The following CCAR1 variants were observed in gnomAD, a reference collection of about 807,000 sequenced individuals.
CCAR1 encodes cell division cycle and apoptosis regulator protein 1.
Under a neutral mutation model 163.8 loss-of-function variants are expected in CCAR1, and 78 were observed. The ratio of observed to expected loss-of-function variants is 0.48; its 90% CI spans 0.40 to 0.57. The LOEUF is 0.57. Ranked by LOEUF, CCAR1 falls within the 20% of genes least tolerant of loss-of-function variation. CCAR1 has a pLI of 0.00. For missense variants in CCAR1, 1,019 were observed against 1,365.2 expected (o/e 0.75, Z 4.00); for synonymous variants, 443 against 460.7 (o/e 0.96, Z 0.49).
chr10:68,755,661 G>A (rs1039956543), intron 13 of CCAR1, 125 bp downstream of exon 13: 25 of 678,324 alleles, frequency 3.7e-5, no homozygotes, highest in Non-Finnish European at 5.3e-5. Flanking sequence ...AATCTCAAAG[G>A]AAAATCCCCA....
intron 17 of CCAR1, 116 bp downstream of exon 17, chr10:68,766,195 GTTTTGTTTTGT>G (rs1047815462): frequency 1.5e-5 from 10 of 670,138 alleles, no homozygotes; most frequent in African/African-American, 3.8e-5. Flanking sequence ...GGTTTTTTTT[GTTTTGTTTTGT>G]TTTTGTTTTT....
chr10:68,727,183 T>G (rs955160338), intron 2 of CCAR1, among the ~76,000 whole-genome samples: 2 of 150,518 alleles, frequency 1.3e-5, no homozygotes, highest in South Asian at 2.1e-4. Flanking sequence ...TTCTTGTGCC[T>G]CAGCCTTTGG....
intron 2 of CCAR1, 42 bp downstream of exon 2, chr10:68,722,619 A>G: frequency 6.9e-7 from 1 of 1,454,722 alleles, no homozygotes; most frequent in Non-Finnish European, 9.6e-7. Context: ...TTTGTGGGGG[A>G]CTTGTTAAAA....
At chr10:68,791,047 A>G (rs2056847088) in intron 24 of CCAR1, among the ~76,000 whole-genome samples, 160 bp from the exon 25 acceptor site, 1 of 152,080 alleles carries the variant, frequency 6.6e-6, no homozygotes, top group Non-Finnish European at 1.5e-5. Flanking sequence ...AATTGAGGTA[A>G]ATGCTTCGTC....
At chr10:68,747,329 A>C in intron 7 of CCAR1, 45 bp from the exon 8 acceptor site, 1 of 1,596,140 alleles carries the variant, frequency 6.3e-7, no homozygotes, top group South Asian at 1.1e-5. Context: ...GAGTCTTCTA[A>C]TTCACAAAGA....
chr10:68,739,832 A>G (rs2056160499), intron 4 of CCAR1, among the ~76,000 whole-genome samples: 1 of 152,256 alleles, frequency 6.6e-6, no homozygotes, highest in Non-Finnish European at 1.5e-5. Flanking sequence ...TCTCTAATAC[A>G]TGGTGACTCC....
chr10:68,727,782 C>G (rs2055970037), intron 2 of CCAR1, among the ~76,000 whole-genome samples: 1 of 152,110 alleles, frequency 6.6e-6, no homozygotes, highest in Admixed American at 6.6e-5. Flanking sequence ...ACCAGTCAAT[C>G]AAATCTTTAA....
chr10:68,780,867 A>G (rs76741022), intron 19 of CCAR1, among the ~76,000 whole-genome samples: 3,443 of 152,282 alleles, frequency 0.023, 63 homozygotes, highest in Non-Finnish European at 0.036. Context: ...TGATCACTCT[A>G]TCAACCTGCC....
rs1333174959 is a variant in CCAR1, at chr10:68,777,060, CTA to C, written c.2650+3962_2650+3963del. Among the ~76,000 whole-genome samples, 4 of 152,284 alleles carry C rather than the reference CTA, an allele frequency of 2.6e-5. No individual in the cohort carries two copies. The East Asian group carries it at 5.8e-4, about 22-fold the overall frequency. ...AATTCCATCTTTCCAGTTGTTGAGA[CTA>C]AAACCCAGGAGTCATCCTTGATTCC... On this transcript the variant is annotated intron_variant, in intron 19 of 24. Coordinates refer to ENST00000265872, the MANE Select transcript of CCAR1 (RefSeq NM_018237.4).
intron 6 of CCAR1, among the ~76,000 whole-genome samples, chr10:68,745,921 AC>A (rs2056247813): frequency 6.6e-6 from 1 of 151,796 alleles, no homozygotes; most frequent in South Asian, 2.1e-4. Context: ...AGAGGCATGA[AC>A]CACTGTACCT....
intron 10 of CCAR1, among the ~76,000 whole-genome samples, chr10:68,753,291 A>G (rs1156274015): frequency 2.6e-5 from 4 of 152,232 alleles, no homozygotes; most frequent in Non-Finnish European, 5.9e-5. Context: ...GATCTTAATC[A>G]TTCACAGAGA....
At chr10:68,745,723 C>G (rs1412868069) in intron 6 of CCAR1, among the ~76,000 whole-genome samples, 1 of 151,958 alleles carries the variant, frequency 6.6e-6, no homozygotes, top group Non-Finnish European at 1.5e-5. Flanking sequence ...CTCAGCCTCC[C>G]AAAGTGCTGG....
chr10:68,775,506 T>C (rs2133408444), intron 19 of CCAR1, among the ~76,000 whole-genome samples: 1 of 149,734 alleles, frequency 6.7e-6, no homozygotes, highest in African/African-American at 2.4e-5. Flanking sequence ...TCTTTTTTTT[T>C]TTTTTTTTGT....
At chr10:68,730,321 A>C (rs1042589408) in intron 2 of CCAR1, among the ~76,000 whole-genome samples, 1 of 149,394 alleles carries the variant, frequency 6.7e-6, no homozygotes, top group East Asian at 2.0e-4. Context: ...TAGTTTTTAA[A>C]AAAGAATATA....
chr10:68,785,487 G>T (rs2056786274), intron 19 of CCAR1, among the ~76,000 whole-genome samples: 1 of 152,112 alleles, frequency 6.6e-6, no homozygotes. Flanking sequence ...CTCCCAAAGT[G>T]CTGGGATTAC....
At chr10:68,724,315 A>C (rs1397970419) in intron 2 of CCAR1, among the ~76,000 whole-genome samples, 1 of 151,990 alleles carries the variant, frequency 6.6e-6, no homozygotes, top group Non-Finnish European at 1.5e-5. Context: ...AAAATATAAA[A>C]GTTAGCTTGG....
intron 17 of CCAR1, among the ~76,000 whole-genome samples, chr10:68,770,387 A>C (rs543792759): frequency 6.6e-6 from 1 of 152,330 alleles, no homozygotes; most frequent in Non-Finnish European, 1.5e-5. Context: ...GCCCTGGTAC[A>C]TACCAGGCAT....
At chr10:68,747,896 C>A (rs1467050939) in intron 8 of CCAR1, among the ~76,000 whole-genome samples, 1 of 152,098 alleles carries the variant, frequency 6.6e-6, no homozygotes, top group Non-Finnish European at 1.5e-5. Context: ...CTCTGTCGCC[C>A]AGGCTGGAGT....
chr10:68,734,464 G>A (rs1351722383), intron 2 of CCAR1, among the ~76,000 whole-genome samples: 1 of 151,930 alleles, frequency 6.6e-6, no homozygotes, highest in African/African-American at 2.4e-5. Flanking sequence ...ACCAGCCTGG[G>A]CAACATTAAT....
Sources: allele counts gnomAD v4.1 joint callset (sites outside exome capture counted in the v4.1 genomes callset), GRCh38; gene constraint gnomAD v4.1.1; transcripts MANE v1.5; gene names NCBI Gene and HGNC (gene_info 2026-07-23, HGNC 2026-07-21).